ZNF407: variants seen among roughly 807,000 people sequenced by gnomAD.
The protein encoded by ZNF407 is zinc finger protein 407.
In ZNF407, 17 loss-of-function variants were observed where a neutral mutation model predicts 131.2. The observed-to-expected ratio is 0.13, with a 90% CI of 0.09 to 0.19. ZNF407 has a LOEUF of 0.19. ZNF407 is among the 10% of genes least tolerant of loss of function. The probability of loss-of-function intolerance (pLI) is 1.00; values close to 1 mark genes in which losing one functional copy is unlikely to be tolerated. For synonymous variants in ZNF407, 1,156 were observed against 1,062.0 expected (o/e 1.09, Z -1.72); for missense variants, 2,681 against 2,830.6 (o/e 0.95, Z 1.20).
chr18:74,836,492 C>G (rs1156536406), intron 4 of ZNF407, among the ~76,000 whole-genome samples: 3 of 152,234 alleles, frequency 2.0e-5, no homozygotes, highest in African/African-American at 7.2e-5. Flanking sequence ...TCCCCCAGCA[C>G]ACAGCATGCT....
chr18:75,012,746 A>AT lies in ZNF407; in HGVS notation c.5429-50403dup, dbSNP rs1363250749. On this transcript the variant is annotated intron_variant, in intron 8 of 8. Coordinates refer to ENST00000299687, the MANE Select transcript of ZNF407 (RefSeq NM_017757.3). ...TTAGGCAATTCCATTTTTTGTAGAAATGTTAACCTAATTTCATAATAGAAA... is the reference window on the plus strand; with the variant it reads ...TTAGGCAATTCCATTTTTTGTAGAAATTGTTAACCTAATTTCATAATAGAAA... 2.7e-4 allele frequency among the ~76,000 whole-genome samples: 41 copies of AT among 151,982 alleles called. 1 individual carries two copies. The highest frequency in any genetic ancestry group is 8.2e-4 in the African/African-American group (34 of 41,494).
At chr18:74,650,190 A>G (rs1217835548) in intron 3 of ZNF407, among the ~76,000 whole-genome samples, 1 of 152,222 alleles carries the variant, frequency 6.6e-6, no homozygotes, top group African/African-American at 2.4e-5. Context: ...ACTAGTGCCC[A>G]TTGGCAGAAT....
At chr18:74,615,715 T>C (rs975562625) in intron 1 of ZNF407, among the ~76,000 whole-genome samples, 1 of 152,182 alleles carries the variant, frequency 6.6e-6, no homozygotes, top group African/African-American at 2.4e-5. Context: ...TTTAGAAGAG[T>C]AATATTACAG....
chr18:74,846,244 TAACA>T (rs778310973), intron 4 of ZNF407, among the ~76,000 whole-genome samples: 11 of 152,174 alleles, frequency 7.2e-5, no homozygotes, highest in Non-Finnish European at 1.5e-5. Context: ...AAATACATCC[TAACA>T]AACAGCTTAA....
intron 3 of ZNF407, among the ~76,000 whole-genome samples, chr18:74,676,433 T>A: frequency 6.8e-6 from 1 of 146,174 alleles, no homozygotes; most frequent in Non-Finnish European, 1.5e-5. Flanking sequence ...ATGGGTGATA[T>A]AGCATTTTTT....
chr18:74,996,211 C>G (rs1243371899), intron 8 of ZNF407, among the ~76,000 whole-genome samples: 3 of 152,168 alleles, frequency 2.0e-5, no homozygotes, highest in Non-Finnish European at 2.9e-5. Context: ...CTAGATGAGG[C>G]AGGCGCCAAC....
At chr18:75,017,698 C>T (rs763435990) in intron 8 of ZNF407, among the ~76,000 whole-genome samples, 30 of 152,154 alleles carry the variant, frequency 2.0e-4, no homozygotes, top group Non-Finnish European at 4.0e-4. Flanking sequence ...CCTTCTTCCA[C>T]CATGTGTTGT....
chr18:74,838,910 G>A (rs570584910), intron 4 of ZNF407, among the ~76,000 whole-genome samples: 4 of 151,842 alleles, frequency 2.6e-5, no homozygotes, highest in East Asian at 3.9e-4. Context: ...TGATTATCTA[G>A]GAGTTATCTA....
chr18:74,621,216 A>G (rs1292456757), intron 1 of ZNF407, among the ~76,000 whole-genome samples: 1 of 152,158 alleles, frequency 6.6e-6, no homozygotes, highest in African/African-American at 2.4e-5. Flanking sequence ...TAACTATATC[A>G]TTTGTAAAAT....
intron 8 of ZNF407, among the ~76,000 whole-genome samples, chr18:74,954,428 C>T (rs915217551): frequency 7.9e-5 from 12 of 152,010 alleles, no homozygotes; most frequent in African/African-American, 2.9e-4. Context: ...TCTCTCCTTC[C>T]ACTTAGGATA....
intron 8 of ZNF407, among the ~76,000 whole-genome samples, chr18:74,977,958 T>A (rs1263455788): frequency 6.6e-6 from 1 of 152,230 alleles, no homozygotes. Flanking sequence ...ATTTGCAATA[T>A]TACAAATGTT....
At chr18:74,954,195 C>A (rs540069475) in intron 8 of ZNF407, among the ~76,000 whole-genome samples, 51 of 151,956 alleles carry the variant, frequency 3.4e-4, no homozygotes, top group Non-Finnish European at 6.5e-4. Context: ...ATTTTTTGAT[C>A]ATTTGGCTCA....
intron 8 of ZNF407, among the ~76,000 whole-genome samples, chr18:74,997,544 C>T (rs1972793739): frequency 6.6e-6 from 1 of 152,080 alleles, no homozygotes; most frequent in African/African-American, 2.4e-5. Flanking sequence ...AGATTTTTGT[C>T]CTTGTGCCCT....
intron 8 of ZNF407, among the ~76,000 whole-genome samples, chr18:75,028,505 G>A (rs1299674066): frequency 2.0e-5 from 3 of 152,170 alleles, no homozygotes; most frequent in East Asian, 1.9e-4. Flanking sequence ...GGTACTGGGT[G>A]TTAGGACTTC....
At chr18:74,817,991 T>A (rs1412226513) in intron 4 of ZNF407, among the ~76,000 whole-genome samples, 1 of 152,236 alleles carries the variant, frequency 6.6e-6, no homozygotes, top group African/African-American at 2.4e-5. Flanking sequence ...CGGCACTTTA[T>A]GTATTAGCTA....
chr18:74,781,328 G>A, intron 3 of ZNF407, 100 bp from the exon 4 acceptor site: 1 of 840,860 alleles, frequency 1.2e-6, no homozygotes, highest in African/African-American at 1.8e-5. Flanking sequence ...CGCTTTTTAT[G>A]TTATGTTTGC....
At chr18:74,804,211 C>G in intron 4 of ZNF407, 2 of 1,300,138 alleles carry the variant, frequency 1.5e-6, no homozygotes, top group Non-Finnish European at 2.0e-6. Flanking sequence ...AATCATCACA[C>G]AAATGTAGGC....
intron 3 of ZNF407, among the ~76,000 whole-genome samples, chr18:74,757,478 T>G (rs148054681): frequency 6.6e-6 from 1 of 152,234 alleles, no homozygotes; most frequent in East Asian, 1.9e-4. Flanking sequence ...GTTATTTGAC[T>G]TCTAATTTTA....
At chr18:74,677,740 CA>C (rs1188349609) in intron 3 of ZNF407, among the ~76,000 whole-genome samples, 1 of 152,104 alleles carries the variant, frequency 6.6e-6, no homozygotes, top group East Asian at 1.9e-4. Context: ...TTGATAGTTC[CA>C]ATATTGAAGC....
Sources: allele counts gnomAD v4.1 joint callset (sites outside exome capture counted in the v4.1 genomes callset), GRCh38; gene constraint gnomAD v4.1.1; transcripts MANE v1.5; gene names NCBI Gene and HGNC (gene_info 2026-07-23, HGNC 2026-07-21).